CAMTA1: variants seen among roughly 807,000 people sequenced by gnomAD.
CAMTA1 encodes calmodulin-binding transcription activator 1.
A neutral mutation model predicts 170.9 loss-of-function variants in CAMTA1; 27 were observed. The ratio of observed to expected loss-of-function variants is 0.16; its 90% CI spans 0.12 to 0.22. The LOEUF (loss-of-function observed/expected upper bound fraction) is 0.22. Ranked by LOEUF, CAMTA1 falls within the 10% of genes least tolerant of loss-of-function variation. CAMTA1 has a pLI of 1.00. For synonymous variants in CAMTA1, 833 were observed against 891.5 expected, an observed-to-expected ratio of 0.93 and a Z score of 1.17; for missense variants, 1,619 against 2,217.2, an observed-to-expected ratio of 0.73 and a Z score of 5.42.
At chr1:7,360,530 A>C (rs1339255188) in intron 5 of CAMTA1, among the ~76,000 whole-genome samples, 1 of 152,242 alleles carries the variant, frequency 6.6e-6, no homozygotes, top group Non-Finnish European at 1.5e-5. Context: ...TAGGGTTAAC[A>C]CTACCTACCT....
At chr1:7,129,046 C>G (rs1321653781) in intron 4 of CAMTA1, among the ~76,000 whole-genome samples, 1 of 151,958 alleles carries the variant, frequency 6.6e-6, no homozygotes, top group Non-Finnish European at 1.5e-5. Context: ...CTATGTTGGA[C>G]AGGCTGATCT....
chr1:7,602,198 T>A lies in CAMTA1; in HGVS notation c.511-38202T>A, dbSNP rs1362541727. On this transcript the variant is annotated intron_variant, in intron 6 of 22. Transcript: ENST00000303635. ...TTCCCCTCCCCTCGATTCCCTCTTT[T>A]TCTATTGATTGGAGTAGTTTCAGAA... is the stretch of plus-strand genomic sequence containing the variant. Among the ~76,000 whole-genome samples, 18 of 144,376 alleles carry A rather than the reference T, an allele frequency of 1.2e-4. No individual in the cohort carries two copies. The East Asian group carries it at 3.4e-3, about 27-fold the overall frequency. The allele number at this position is 144,376 out of a possible 152,430, so 94.7% of individuals were successfully genotyped here. A position where few individuals can be genotyped will look rare whatever the true frequency, so the allele number is the denominator to read the frequency against.
At chr1:7,120,062 T>C (rs955327334) in intron 4 of CAMTA1, among the ~76,000 whole-genome samples, 1 of 152,024 alleles carries the variant, frequency 6.6e-6, no homozygotes, top group African/African-American at 2.4e-5. Flanking sequence ...CGAGGCTGAG[T>C]AACTGGCTCA....
At chr1:7,235,009 A>T (rs1663553611) in intron 4 of CAMTA1, among the ~76,000 whole-genome samples, 2 of 151,768 alleles carry the variant, frequency 1.3e-5, no homozygotes, top group African/African-American at 4.8e-5. Flanking sequence ...CTGGTCTCGA[A>T]CTCCTGACCT....
intron 1 of CAMTA1, among the ~76,000 whole-genome samples, chr1:6,813,730 T>A (rs998080336): frequency 1.3e-5 from 2 of 151,984 alleles, no homozygotes; most frequent in Non-Finnish European, 2.9e-5. Context: ...CAAACAGTCC[T>A]CCCGCCTCAG....
At chr1:7,009,251 C>G (rs1699450097) in intron 3 of CAMTA1, among the ~76,000 whole-genome samples, 2 of 152,186 alleles carry the variant, frequency 1.3e-5, no homozygotes, top group Non-Finnish European at 2.9e-5. Context: ...GTGCTGGAGG[C>G]TGCTGGGAGG....
intron 1 of CAMTA1, among the ~76,000 whole-genome samples, chr1:6,808,802 C>G (rs1164404225): frequency 6.6e-6 from 1 of 152,090 alleles, no homozygotes. Context: ...CAAGAGTTGT[C>G]TGTAGAATTG....
chr1:6,891,399 A>G (rs1283953825), intron 3 of CAMTA1, among the ~76,000 whole-genome samples: 1 of 152,206 alleles, frequency 6.6e-6, no homozygotes, highest in Non-Finnish European at 1.5e-5. Flanking sequence ...ATTCCATTGT[A>G]GATGTGTTGG....
chr1:7,765,750 G>A (rs1039642741), intron 22 of CAMTA1, among the ~76,000 whole-genome samples: 5 of 152,140 alleles, frequency 3.3e-5, no homozygotes, highest in Middle Eastern at 3.2e-3. Flanking sequence ...TAAATAGGCC[G>A]GGCGCGGTGG....
intron 11 of CAMTA1, among the ~76,000 whole-genome samples, chr1:7,702,439 T>C (rs982026820): frequency 4.6e-5 from 7 of 152,206 alleles, no homozygotes; most frequent in African/African-American, 1.7e-4. Context: ...GTGCCTGAAC[T>C]GGATCCAAAT....
chr1:7,179,827 A>G (rs1342712877), intron 4 of CAMTA1, among the ~76,000 whole-genome samples: 1 of 152,208 alleles, frequency 6.6e-6, no homozygotes, highest in Non-Finnish European at 1.5e-5. Context: ...CCCAAAAGCT[A>G]GGTAAAGAAA....
At chr1:7,230,780 C>G (rs993366931) in intron 4 of CAMTA1, among the ~76,000 whole-genome samples, 2 of 152,156 alleles carry the variant, frequency 1.3e-5, no homozygotes, top group Non-Finnish European at 2.9e-5. Flanking sequence ...CCCCAGCCCC[C>G]GGGAGCCACG....
chr1:7,654,644 GCACACACCTATACA>G (rs1460752560), intron 7 of CAMTA1, among the ~76,000 whole-genome samples: 69 of 95,258 alleles, frequency 7.2e-4, no homozygotes, highest in African/African-American at 2.1e-3. Context: ...ACACACACAA[GCACACACCTATACA>G]CACACACCTA....
At chr1:7,134,888 A>G (rs1043926356) in intron 4 of CAMTA1, among the ~76,000 whole-genome samples, 2 of 152,178 alleles carry the variant, frequency 1.3e-5, no homozygotes, top group Non-Finnish European at 2.9e-5. Flanking sequence ...TCCAGAATCC[A>G]TAATGAACTT....
intron 6 of CAMTA1, among the ~76,000 whole-genome samples, chr1:7,558,879 A>AT (rs1313008194): frequency 2.6e-5 from 4 of 152,234 alleles, no homozygotes; most frequent in Admixed American, 2.0e-4. Context: ...ATTTAATTGG[A>AT]TTTTTTTAAT....
At chr1:7,102,255 T>C (rs569434780) in intron 4 of CAMTA1, among the ~76,000 whole-genome samples, 3 of 152,132 alleles carry the variant, frequency 2.0e-5, no homozygotes, top group African/African-American at 7.2e-5. Flanking sequence ...TTAAGCTGTT[T>C]AGTTTGAGGT....
chr1:7,467,847 T>C lies in CAMTA1; in HGVS notation c.456T>C (p.Tyr152=). ...CTCCCTAGTGCTTGTACGGCTGCTA[T>C]GTCCATTCCTCCATCATCCCCACCT... The part of the protein sequence containing the change: ...VQGVECLYGC[Y]VHSSIIPTFH... The change falls in exon 6 of 23, where the codon TAT becomes TAC. Residue 152 remains tyrosine (Y), a synonymous_variant. Coordinates refer to ENST00000303635, the MANE Select transcript of CAMTA1 (RefSeq NM_015215.4). The C allele has an allele frequency of 6.2e-7, 1 of 1,614,014 alleles. No individual in the cohort carries two copies. Among genetic ancestry groups the C allele is most frequent in the South Asian group, 1.1e-5 (1 of 91,074 alleles).
rs996748103 is a variant in CAMTA1, at chr1:7,248,999, C to A, written c.303-492C>A. 2.0e-5 allele frequency among the ~76,000 whole-genome samples: 3 copies of A among 152,170 alleles called. No homozygotes were observed. Among genetic ancestry groups the A allele is most frequent in the Admixed American group, 2.0e-4 (3 of 15,276 alleles). On this transcript the variant is annotated intron_variant, in intron 4 of 22. Transcript: ENST00000303635. The surrounding 1 kb of genome is among the most constrained non-coding windows in gnomAD (Gnocchi z 4.0). ...GCAATGAACCAACAGCATTTGGCCT[C>A]GGTGAACAGCTCTGCCATCGGTCTG...
At chr1:7,494,461 A>C (rs2093792903) in intron 6 of CAMTA1, among the ~76,000 whole-genome samples, 1 of 152,084 alleles carries the variant, frequency 6.6e-6, no homozygotes, top group Non-Finnish European at 1.5e-5. Context: ...TGAAACCATG[A>C]GCGGGAAGCC....
Sources: allele counts gnomAD v4.1 joint callset (sites outside exome capture counted in the v4.1 genomes callset), GRCh38; gene constraint gnomAD v4.1.1; non-coding constraint Gnocchi (gnomAD v3.1); transcripts MANE v1.5; gene names NCBI Gene and HGNC (gene_info 2026-07-23, HGNC 2026-07-21).